MBNL2: variants seen among roughly 807,000 people sequenced by gnomAD.
MBNL2 encodes the protein muscleblind like splicing regulator 2, also known as muscleblind-like protein 2.
A neutral mutation model predicts 41.9 loss-of-function variants in MBNL2; 17 were observed. The ratio of observed to expected loss-of-function variants is 0.41; its 90% confidence interval spans 0.28 to 0.61. The LOEUF (loss-of-function observed/expected upper bound fraction) is 0.61. Among genes scored for constraint, MBNL2 ranks in the 20% least tolerant of loss-of-function variants. MBNL2 has a pLI of 0.35. For synonymous variants in MBNL2, 195 were observed against 182.9 expected (o/e 1.07, Z -0.53); for missense variants, 336 against 505.6 (o/e 0.66, Z 3.22).
intron 8 of MBNL2, among the ~76,000 whole-genome samples, chr13:97,365,749 C>T (rs967939100): frequency 2.0e-5 from 3 of 152,152 alleles, no homozygotes; most frequent in African/African-American, 7.2e-5. Flanking sequence ...AGATAGTTGT[C>T]CTCACACACA....
At chr13:97,201,252 C>A in the MBNL2 span, among the ~76,000 whole-genome samples, 2 of 152,162 alleles carry the variant, frequency 1.3e-5, no homozygotes, top group Admixed American at 1.3e-4. Flanking sequence ...ACACATAGTC[C>A]TCCTGTCTGA....
At chr13:97,253,899 T>G (rs1379380118) in intron 1 of MBNL2, among the ~76,000 whole-genome samples, 1 of 152,118 alleles carries the variant, frequency 6.6e-6, no homozygotes, top group African/African-American at 2.4e-5. Flanking sequence ...AATACAATTT[T>G]TATTTATTTG....
rs564462113 is a variant in MBNL2 at position 97,276,881 on chromosome 13, C to G, written c.174+472C>G. Among the ~76,000 whole-genome samples, 4 of 151,324 alleles carry G rather than the reference C, an allele frequency of 2.6e-5. No homozygotes were observed. In the East Asian group the frequency reaches 7.8e-4, roughly 29 times the overall value. ...TTTTCTGAAAATGTGTCATGGCTAA[C>G]AGAAATTATTAAGTACACGCTCAAT... On this transcript the variant is annotated intron_variant, in intron 2 of 8. Transcript: ENST00000679496.
chr13:97,302,433 G>A (rs146206851), intron 2 of MBNL2, among the ~76,000 whole-genome samples: 1 of 152,290 alleles, frequency 6.6e-6, no homozygotes, highest in East Asian at 1.9e-4. Context: ...AAGCCTTGGA[G>A]CTCTCTGAGT....
At chr13:97,283,213 C>G (rs2053780587) in intron 2 of MBNL2, among the ~76,000 whole-genome samples, 1 of 150,478 alleles carries the variant, frequency 6.6e-6, no homozygotes, top group African/African-American at 2.4e-5. Flanking sequence ...TTAGGATCAG[C>G]CTTTCCTAGT....
intron 3 of MBNL2, among the ~76,000 whole-genome samples, chr13:97,341,780 G>A (rs1470462093): frequency 2.0e-5 from 3 of 152,044 alleles, no homozygotes; most frequent in Non-Finnish European, 2.9e-5. Flanking sequence ...ATATTTTTCT[G>A]TTACTGCTAT....
the MBNL2 span, among the ~76,000 whole-genome samples, chr13:97,200,996 C>A: frequency 2.0e-5 from 3 of 151,822 alleles, no homozygotes; most frequent in Admixed American, 1.3e-4. Context: ...TTTTTCCCTA[C>A]TATGACCTCA....
At chr13:97,274,274 A>G (rs2051708315) in intron 1 of MBNL2, among the ~76,000 whole-genome samples, 1 of 152,166 alleles carries the variant, frequency 6.6e-6, no homozygotes. Context: ...AGATCACCTG[A>G]GGTCAAGAGT....
At chr13:97,297,560 A>G (rs889215801) in intron 2 of MBNL2, among the ~76,000 whole-genome samples, 11 of 152,062 alleles carry the variant, frequency 7.2e-5, no homozygotes, top group African/African-American at 2.7e-4. Context: ...GAAGCTGCCT[A>G]TTCTCTCAGC....
At chr13:97,155,399 T>TA in the MBNL2 span, among the ~76,000 whole-genome samples, 1 of 151,602 alleles carries the variant, frequency 6.6e-6, no homozygotes, top group African/African-American at 2.4e-5. Context: ...TTTTTATTTT[T>TA]TTTTTTATTA....
intron 2 of MBNL2, among the ~76,000 whole-genome samples, chr13:97,308,441 A>G (rs2058312568): frequency 6.6e-6 from 1 of 152,152 alleles, no homozygotes; most frequent in African/African-American, 2.4e-5. Flanking sequence ...CCATCTGGGT[A>G]TTTACTTTTC....
At chr13:97,250,758 G>T (rs967782928) in intron 1 of MBNL2, among the ~76,000 whole-genome samples, 1 of 152,078 alleles carries the variant, frequency 6.6e-6, no homozygotes, top group Non-Finnish European at 1.5e-5. Flanking sequence ...CTCACTTCCT[G>T]CCTGATATCA....
the MBNL2 span, among the ~76,000 whole-genome samples, chr13:97,180,740 T>TAAAAA: frequency 1.2e-5 from 1 of 86,000 alleles, no homozygotes; most frequent in African/African-American, 4.6e-5. Context: ...AGACTCCATC[T>TAAAAA]AAAAAAAAAA....
At chr13:97,246,969 A>G (rs765826793) in intron 1 of MBNL2, among the ~76,000 whole-genome samples, 2 of 152,172 alleles carry the variant, frequency 1.3e-5, no homozygotes, top group Non-Finnish European at 2.9e-5. Context: ...TTGGGAAGAA[A>G]GTGTTGAGTA....
chr13:97,164,072 T>C, the MBNL2 span, among the ~76,000 whole-genome samples: 2 of 152,226 alleles, frequency 1.3e-5, no homozygotes, highest in Non-Finnish European at 2.9e-5. Context: ...AGCGGCACAA[T>C]CTTGGCTCAC....
the MBNL2 span, among the ~76,000 whole-genome samples, chr13:97,164,290 G>T: frequency 6.6e-6 from 1 of 152,238 alleles, no homozygotes; most frequent in African/African-American, 2.4e-5. Flanking sequence ...TTACAGGCAT[G>T]AGCCACCGCA....
chr13:97,312,319 A>G (rs188353875), intron 2 of MBNL2, among the ~76,000 whole-genome samples: 1 of 152,350 alleles, frequency 6.6e-6, no homozygotes, highest in African/African-American at 2.4e-5. Flanking sequence ...TGATTAAAAC[A>G]GAGAAGTTTC....
the MBNL2 span, among the ~76,000 whole-genome samples, chr13:97,211,244 ATC>A: frequency 1.1e-4 from 16 of 152,244 alleles, no homozygotes; most frequent in Non-Finnish European, 2.1e-4. Context: ...GCTCACCATA[ATC>A]GTCTCAGGAT....
chr13:97,163,726 GCACACAC>G, the MBNL2 span, among the ~76,000 whole-genome samples: 1 of 152,100 alleles, frequency 6.6e-6, no homozygotes, highest in Non-Finnish European at 1.5e-5. Flanking sequence ...GCACACACCT[GCACACAC>G]TCTCAGCAAC....
Sources: allele counts gnomAD v4.1 joint callset (sites outside exome capture counted in the v4.1 genomes callset), GRCh38; gene constraint gnomAD v4.1.1; transcripts MANE v1.5; gene names NCBI Gene and HGNC (gene_info 2026-07-23, HGNC 2026-07-21).